The following PARP12 variants were observed in gnomAD, a reference collection of about 807,000 sequenced individuals.
The protein encoded by PARP12 is poly(ADP-ribose) polymerase family member 12.
In PARP12, 59 loss-of-function variants were observed where a neutral mutation model predicts 72.4. The observed-to-expected ratio is 0.81, with a 90% CI of 0.66 to 1.01. The LOEUF is 1.01. PARP12 is among the 50% of genes least tolerant of loss of function. PARP12 has a pLI of 0.00. For synonymous variants in PARP12, 403 were observed against 371.4 expected (o/e 1.09, Z -0.98); for missense variants, 851 against 914.0 (o/e 0.93, Z 0.89).
chr7:140,062,573 A>T lies in PARP12; in HGVS notation c.275T>A (p.Leu92His). The change falls in exon 1 of 12, where the codon CTC becomes CAC. Residue 92 changes from leucine to histidine, a missense_variant. Leu to His is a moderately conservative substitution (Grantham distance 99). This residue lies in a region of PARP12 where 492 missense variants were observed against 489.3 expected (regional missense o/e 1.01). Transcript: ENST00000263549. ...GTAGACCATGAACCTGCAGAGGTGG[A>T]GCTGCGCGCAGAGCCCCACGCAGCC... is the stretch of plus-strand genomic sequence containing the variant. ...KPGCVGLCAQLHLCRFMVYGA... is the reference protein window; with the variant it reads ...KPGCVGLCAQHHLCRFMVYGA... 1 of 1,549,892 alleles carries T rather than the reference A, an allele frequency of 6.5e-7. No individual in the cohort carries two copies. The highest frequency in any genetic ancestry group is 8.7e-7 in the Non-Finnish European group (1 of 1,152,644).
intron 10 of PARP12, 26 bp from the exon 11 acceptor site, chr7:140,026,374 G>T: frequency 6.3e-7 from 1 of 1,596,888 alleles, no homozygotes; most frequent in Non-Finnish European, 8.5e-7. Flanking sequence ...AATGTGTGCT[G>T]GGGGCAGAGT....
chr7:140,033,310 G>A, intron 8 of PARP12: 1 of 985,372 alleles, frequency 1.0e-6, no homozygotes, highest in Non-Finnish European at 1.2e-6. Context: ...CCTCTATCTT[G>A]TACCAAACTC....
At position 140,023,813 on chromosome 7, in the gene PARP12, C is replaced by T. The variant is rs547207982; in HGVS notation, c.*747G>A. Reference sequence around the variant, plus strand: ...CATGTGTGGCACAAGTATTCAATCTCACAGGGATGTTAAAACCCACACTCG... The same window carrying T: ...CATGTGTGGCACAAGTATTCAATCTTACAGGGATGTTAAAACCCACACTCG... On this transcript the variant is annotated 3_prime_UTR_variant, in exon 12 of 12. Coordinates refer to ENST00000263549, the MANE Select transcript of PARP12 (RefSeq NM_022750.4). 6.5e-6 allele frequency: 1 copy of T among 153,414 alleles called. No homozygotes were observed. Among genetic ancestry groups the T allele is most frequent in the South Asian group, 2.1e-4 (1 of 4,856 alleles). The allele number at this position is 153,414 out of a possible 1,614,324, so 9.5% of individuals were successfully genotyped here. A position where few individuals can be genotyped will look rare whatever the true frequency, so the allele number is the denominator to read the frequency against.
chr7:140,031,487 T>C (rs147563173), intron 8 of PARP12, among the ~76,000 whole-genome samples: 59 of 152,318 alleles, frequency 3.9e-4, no homozygotes, highest in African/African-American at 1.4e-3. Flanking sequence ...AACAGAAAAG[T>C]TGTTTCTGAA....
At chr7:140,033,501 G>A in intron 8 of PARP12, 2 of 985,412 alleles carry the variant, frequency 2.0e-6, no homozygotes, top group South Asian at 4.7e-5. Flanking sequence ...TGGGCACTGT[G>A]GTCCCTCTCC....
chr7:140,024,835 C>A lies in PARP12; in HGVS notation c.1831G>T (p.Asp611Tyr). The A allele has an allele frequency of 6.2e-7, 1 of 1,614,024 alleles. No individual in the cohort carries two copies. Among genetic ancestry groups the A allele is most frequent in the South Asian group, 1.1e-5 (1 of 91,072 alleles). ...AGGAACATCGTGTGGGTCTGCGTGT[C>A]GGATTTGCTGTAGTGGTGGGAATAT... ...AAYSHHYSKS[D>Y]TQTHTMFLAR... Residue 611 changes from aspartate (D) to tyrosine (Y), a missense_variant, in exon 12 of 12, where the codon GAC becomes TAC. Physicochemically the swap from Asp to Tyr is radical, Grantham distance 160. Around this residue, in one of 3 missense-constraint regions of PARP12, gnomAD observed 347 missense variants for 396.1 expected, o/e 0.88. Coordinates refer to ENST00000263549, the MANE Select transcript of PARP12 (RefSeq NM_022750.4).
intron 7 of PARP12, 70 bp downstream of exon 7, chr7:140,037,645 C>T: frequency 6.3e-7 from 1 of 1,583,708 alleles, no homozygotes; most frequent in East Asian, 2.3e-5. Flanking sequence ...CACGGCTCCT[C>T]CAGGGTTAAG....
At position 140,041,742 on chromosome 7, in the gene PARP12, C is replaced by A. The variant is rs1311111276; in HGVS notation, c.1084G>T (p.Ala362Ser). The A allele has an allele frequency of 1.9e-6, 3 of 1,614,032 alleles. No homozygotes were observed. Among genetic ancestry groups the A allele is most frequent in the Non-Finnish European group, 2.5e-6 (3 of 1,179,968 alleles). Residue 362 changes from alanine (A) to serine (S), a missense_variant, in exon 6 of 12, where the codon GCC becomes TCC. Physicochemically the swap from Ala to Ser is moderately conservative, Grantham distance 99. This residue lies in a region of PARP12 where 492 missense variants were observed against 489.3 expected (regional missense o/e 1.01). Transcript: ENST00000263549. ...TGTGGAGGTTTGGTGACAGAGGAGG[C>A]CGTGGAGAGGCGGCGAGCCTGGGTA... is the stretch of plus-strand genomic sequence containing the variant. ...GATQARRLST[A>S]SSVTKPPHFI...
intron 7 of PARP12, among the ~76,000 whole-genome samples, chr7:140,034,952 T>C (rs1264232165): frequency 6.6e-6 from 1 of 152,168 alleles, no homozygotes; most frequent in Admixed American, 6.5e-5. Context: ...TTACATTTTT[T>C]TTAAGAGATG....
At chr7:140,038,384 T>C in intron 6 of PARP12, 2 of 855,884 alleles carry the variant, frequency 2.3e-6, no homozygotes, top group Non-Finnish European at 2.8e-6. Context: ...ACAGGAAATC[T>C]CGTAGCTTCA....
At chr7:140,059,434 T>C (rs551988091) in intron 1 of PARP12, among the ~76,000 whole-genome samples, 2 of 151,726 alleles carry the variant, frequency 1.3e-5, no homozygotes, top group African/African-American at 4.9e-5. Flanking sequence ...CTCCATTCTT[T>C]CCATCCACAA....
At chr7:140,034,907 T>C (rs1321532089) in intron 7 of PARP12, among the ~76,000 whole-genome samples, 1 of 152,152 alleles carries the variant, frequency 6.6e-6, no homozygotes, top group East Asian at 1.9e-4. Context: ...CAGTGTTTGT[T>C]CTGTCCTTGC....
intron 1 of PARP12, among the ~76,000 whole-genome samples, chr7:140,060,901 A>C (rs1817418016): frequency 6.6e-6 from 1 of 152,110 alleles, no homozygotes; most frequent in Non-Finnish European, 1.5e-5. Context: ...AGCCCAGCGC[A>C]TTGGGGCCCT....
intron 10 of PARP12, 91 bp downstream of exon 10, chr7:140,027,185 C>A: frequency 6.5e-7 from 1 of 1,531,526 alleles, no homozygotes. Flanking sequence ...TGCCGCTCTG[C>A]TTTTCCTGGA....
chr7:140,048,379 C>T (rs957992942), intron 4 of PARP12, among the ~76,000 whole-genome samples: 27 of 152,102 alleles, frequency 1.8e-4, no homozygotes, highest in African/African-American at 6.5e-4. Flanking sequence ...CCACCGGGAA[C>T]GCCACCCACA....
chr7:140,046,564 T>C (rs1816730586), intron 5 of PARP12, among the ~76,000 whole-genome samples: 9 of 152,180 alleles, frequency 5.9e-5, no homozygotes, highest in Admixed American at 3.9e-4. Context: ...ACCAAACAAT[T>C]GAGAACTTAA....
At position 140,028,687 on chromosome 7, in the gene PARP12, T is replaced by C. The variant is rs1405792008; in HGVS notation, c.1423A>G (p.Asn475Asp). ...CTCTTCGGGCCTGGAAACTTGGTAT[T>C]GCTACAAAAATGTAAACAAAAACAC... Reference protein sequence around the residue: ...PQDVTTMQTCNTKFPGPKSIP... With the variant: ...PQDVTTMQTCDTKFPGPKSIP... The change falls in exon 9 of 12, where the codon AAT (asparagine) becomes GAT (aspartate). Residue 475 changes from asparagine to aspartate, a missense_variant and splice_region_variant. Around this residue, in one of 3 missense-constraint regions of PARP12, gnomAD observed 347 missense variants for 396.1 expected, o/e 0.88. Transcript: ENST00000263549. The C allele has an allele frequency of 1.3e-6, 2 of 1,599,856 alleles. No individual in the cohort carries two copies. Among genetic ancestry groups the C allele is most frequent in the Non-Finnish European group, 8.5e-7 (1 of 1,172,360 alleles).
intron 1 of PARP12, among the ~76,000 whole-genome samples, chr7:140,059,534 G>A (rs77894655): frequency 0.022 from 3,278 of 152,194 alleles, 53 homozygotes; most frequent in South Asian, 0.039. Flanking sequence ...TGAGTCACCA[G>A]GACCCAGAAG....
At chr7:140,058,860 C>T (rs2116673778) in intron 1 of PARP12, among the ~76,000 whole-genome samples, 1 of 152,136 alleles carries the variant, frequency 6.6e-6, no homozygotes, top group Non-Finnish European at 1.5e-5. Flanking sequence ...CTCTAGGAGG[C>T]CAGGGTGGAT....
Sources: allele counts gnomAD v4.1 joint callset (sites outside exome capture counted in the v4.1 genomes callset), GRCh38; gene constraint gnomAD v4.1.1; regional missense constraint gnomAD v4.1.1; transcripts MANE v1.5; gene names NCBI Gene and HGNC (gene_info 2026-07-23, HGNC 2026-07-21).